PPP2R3A: variants seen among roughly 807,000 people sequenced by gnomAD.
PPP2R3A encodes the protein serine/threonine-protein phosphatase 2A regulatory subunit B'' subunit alpha.
Under a neutral mutation model 106.9 loss-of-function variants are expected in PPP2R3A, and 80 were observed. That is an observed-to-expected ratio of 0.75 (90% confidence interval 0.62 to 0.90). The LOEUF is 0.90. Among genes scored for constraint, PPP2R3A ranks in the 40% least tolerant of loss-of-function variants. The pLI, the probability that PPP2R3A is intolerant of heterozygous loss-of-function variation, is 0.00. For synonymous variants in PPP2R3A, 483 were observed against 468.3 expected, an observed-to-expected ratio of 1.03 and a Z score of -0.41; for missense variants, 1,386 against 1,350.4, an observed-to-expected ratio of 1.03 and a Z score of -0.41.
At chr3:136,110,931 C>T (rs567791966) in intron 13 of PPP2R3A, among the ~76,000 whole-genome samples, 10 of 151,632 alleles carry the variant, frequency 6.6e-5, no homozygotes, top group Non-Finnish European at 1.2e-4. Context: ...AAAGTGTACA[C>T]AAAAAGAAAT....
intron 10 of PPP2R3A, among the ~76,000 whole-genome samples, chr3:136,097,556 T>C (rs996981929): frequency 1.3e-5 from 2 of 152,244 alleles, no homozygotes; most frequent in African/African-American, 4.8e-5. Flanking sequence ...GCTTTAGCTT[T>C]ATTTATTGTA....
At chr3:135,991,103 A>G (rs1282647159) in intron 1 of PPP2R3A, among the ~76,000 whole-genome samples, 1 of 152,126 alleles carries the variant, frequency 6.6e-6, no homozygotes, top group Non-Finnish European at 1.5e-5. Context: ...TGGGTTTGGC[A>G]GATCCCCTCT....
chr3:136,007,338 C>T (rs1036299873), intron 2 of PPP2R3A, among the ~76,000 whole-genome samples: 1 of 152,140 alleles, frequency 6.6e-6, no homozygotes, highest in African/African-American at 2.4e-5. Flanking sequence ...AAATGGAAAC[C>T]GCTCCCTTGC....
At chr3:136,113,497 T>G (rs1231245569) in intron 13 of PPP2R3A, among the ~76,000 whole-genome samples, 1 of 152,036 alleles carries the variant, frequency 6.6e-6, no homozygotes, top group Non-Finnish European at 1.5e-5. Context: ...GAATAAAGAC[T>G]TAAATGTAAG....
chr3:136,087,294 T>TCTCTCA (rs1229630177), intron 8 of PPP2R3A, among the ~76,000 whole-genome samples: 3 of 143,900 alleles, frequency 2.1e-5, no homozygotes, highest in East Asian at 2.0e-4. Flanking sequence ...TCTCTCTCTC[T>TCTCTCA]CTCTCACCAA....
intron 10 of PPP2R3A, among the ~76,000 whole-genome samples, chr3:136,094,605 A>G (rs959702359): frequency 2.0e-5 from 3 of 152,250 alleles, no homozygotes; most frequent in African/African-American, 7.2e-5. Context: ...TAACGTATAC[A>G]TACACAGATA....
At chr3:136,025,619 AT>A (rs1186507674) in intron 2 of PPP2R3A, among the ~76,000 whole-genome samples, 1 of 152,126 alleles carries the variant, frequency 6.6e-6, no homozygotes, top group Non-Finnish European at 1.5e-5. Flanking sequence ...TTTTAAAATT[AT>A]GTTATAAACC....
chr3:136,013,180 G>GTGTGTATGTA (rs1160060556), intron 2 of PPP2R3A, among the ~76,000 whole-genome samples: 5 of 142,168 alleles, frequency 3.5e-5, no homozygotes, highest in African/African-American at 1.3e-4. Context: ...GTGTGTGTGT[G>GTGTGTATGTA]TGTATGTATG....
chr3:135,988,075 A>G (rs1932997068), intron 1 of PPP2R3A, among the ~76,000 whole-genome samples: 2 of 152,064 alleles, frequency 1.3e-5, no homozygotes, highest in South Asian at 4.1e-4. Context: ...AGCCCTCTGG[A>G]CACATGTACC....
intron 10 of PPP2R3A, among the ~76,000 whole-genome samples, chr3:136,092,378 T>C (rs1937114343): frequency 6.6e-6 from 1 of 152,160 alleles, no homozygotes; most frequent in Admixed American, 6.5e-5. Flanking sequence ...AGACATCCCA[T>C]GTTCATGGAT....
chr3:135,992,207 TC>T (rs1210671640), intron 1 of PPP2R3A, among the ~76,000 whole-genome samples: 1 of 152,190 alleles, frequency 6.6e-6, no homozygotes, highest in Admixed American at 6.5e-5. Context: ...CACTGAGTCA[TC>T]CACCCAAGAT....
At chr3:136,026,339 C>A (rs1934654554) in intron 2 of PPP2R3A, among the ~76,000 whole-genome samples, 1 of 152,242 alleles carries the variant, frequency 6.6e-6, no homozygotes, top group South Asian at 2.1e-4. Context: ...AGTGATTCTA[C>A]CTCAGCAAAG....
At chr3:136,073,292 G>C (rs1454644740) in intron 6 of PPP2R3A, among the ~76,000 whole-genome samples, 4 of 152,152 alleles carry the variant, frequency 2.6e-5, no homozygotes, top group Non-Finnish European at 5.9e-5. Context: ...TATGATTTTA[G>C]AGTGAAAAGC....
intron 10 of PPP2R3A, among the ~76,000 whole-genome samples, chr3:136,092,999 A>AT (rs1937130319): frequency 6.6e-6 from 1 of 152,254 alleles, no homozygotes; most frequent in African/African-American, 2.4e-5. Context: ...GCTATAAAAA[A>AT]TTCAGAAGAA....
intron 6 of PPP2R3A, among the ~76,000 whole-genome samples, chr3:136,076,160 T>G (rs1936586519): frequency 1.3e-5 from 2 of 152,224 alleles, no homozygotes; most frequent in African/African-American, 2.4e-5. Context: ...ACTCATTGCT[T>G]TATAGGGCTA....
At chr3:136,046,699 G>C (rs56276193) in intron 4 of PPP2R3A, among the ~76,000 whole-genome samples, 1,749 of 152,318 alleles carry the variant, frequency 0.011, 16 homozygotes, top group Non-Finnish European at 0.019. Flanking sequence ...CTAAAACCCA[G>C]AGTGTGTTCT....
intron 13 of PPP2R3A, among the ~76,000 whole-genome samples, chr3:136,139,728 G>T (rs1257392883): frequency 6.6e-6 from 1 of 151,390 alleles, no homozygotes; most frequent in African/African-American, 2.4e-5. Context: ...TCTCAGCTGG[G>T]CATGGTGGCT....
intron 10 of PPP2R3A, among the ~76,000 whole-genome samples, chr3:136,099,890 GGCTATGTAGA>G (rs1937314885): frequency 6.6e-6 from 1 of 151,036 alleles, no homozygotes; most frequent in South Asian, 2.1e-4. Flanking sequence ...ACCATTACTG[GGCTATGTAGA>G]TCTCAATAAC....
intron 1 of PPP2R3A, among the ~76,000 whole-genome samples, chr3:135,970,045 A>G (rs537307760): frequency 2.6e-5 from 4 of 152,220 alleles, no homozygotes; most frequent in Non-Finnish European, 5.9e-5. Context: ...CATTGGAATC[A>G]CTGAATGATT....
Sources: gnomAD v4.1 joint callset for allele counts (sites outside exome capture counted in the v4.1 genomes callset) on GRCh38, gnomAD v4.1.1 for gene constraint, MANE v1.5 for transcripts, NCBI Gene and HGNC (gene_info 2026-07-23, HGNC 2026-07-21) for gene names.